The following TBC1D1 variants were observed in gnomAD, a reference collection of about 807,000 sequenced individuals.
The protein encoded by TBC1D1 is TBC1 domain family member 1, also known as TBC1 (tre-2/USP6, BUB2, cdc16) domain family, member 1.
In TBC1D1, 89 loss-of-function variants were observed where a neutral mutation model predicts 125.6. The ratio of observed to expected loss-of-function variants is 0.71; its 90% CI spans 0.60 to 0.85. The LOEUF (loss-of-function observed/expected upper bound fraction) is 0.85. Ranked by LOEUF, TBC1D1 falls within the 40% of genes least tolerant of loss-of-function variation. The pLI, the probability that TBC1D1 is intolerant of heterozygous loss-of-function variation, is 0.00. For synonymous variants in TBC1D1, 565 were observed against 564.1 expected (o/e 1.00, Z -0.02); for missense variants, 1,377 against 1,469.2 (o/e 0.94, Z 1.03).
intron 2 of TBC1D1, among the ~76,000 whole-genome samples, chr4:37,987,650 G>A (rs772972060): frequency 2.0e-5 from 3 of 152,158 alleles, no homozygotes; most frequent in Non-Finnish European, 4.4e-5. Context: ...TTCTCAGTTA[G>A]GGAGAGAAGG....
At chr4:37,944,811 G>A (rs1160332212) in intron 2 of TBC1D1, among the ~76,000 whole-genome samples, 3 of 152,144 alleles carry the variant, frequency 2.0e-5, no homozygotes, top group Non-Finnish European at 2.9e-5. Context: ...GCCCTGCTTC[G>A]GCTCACACTC....
At chr4:37,992,108 G>T (rs1191610369) in intron 2 of TBC1D1, among the ~76,000 whole-genome samples, 1 of 152,204 alleles carries the variant, frequency 6.6e-6, no homozygotes, top group African/African-American at 2.4e-5. Context: ...GGTAGGGATT[G>T]CAGAGGAGCC....
At chr4:37,961,821 CA>C (rs1730122558) in intron 2 of TBC1D1, among the ~76,000 whole-genome samples, 1 of 152,154 alleles carries the variant, frequency 6.6e-6, no homozygotes, top group Non-Finnish European at 1.5e-5. Flanking sequence ...CCAAAGTTTC[CA>C]AATCCCTCTT....
chr4:37,950,729 A>G (rs1203569590), intron 2 of TBC1D1, among the ~76,000 whole-genome samples: 1 of 151,148 alleles, frequency 6.6e-6, no homozygotes, highest in Non-Finnish European at 1.5e-5. Flanking sequence ...AATCCTGTGA[A>G]TTGGACAAAT....
At chr4:37,985,731 G>A (rs1735305788) in intron 2 of TBC1D1, among the ~76,000 whole-genome samples, 1 of 152,212 alleles carries the variant, frequency 6.6e-6, no homozygotes, top group Admixed American at 6.5e-5. Context: ...AGGCAGGGTA[G>A]ATACTGAGAT....
At position 38,048,922 on chromosome 4, in the gene TBC1D1, GC is replaced by G. The variant is rs1411017584; in HGVS notation, c.1630-695del. ...TGAGCACTCACTCCATAGATTTATT[GC>G]ATACCTAATAAAACAATAACTTATG... On this transcript the variant is annotated intron_variant, in intron 10 of 19. Coordinates refer to ENST00000261439, the MANE Select transcript of TBC1D1 (RefSeq NM_015173.4). 1.3e-4 allele frequency among the ~76,000 whole-genome samples: 20 copies of G among 152,158 alleles called. No homozygotes were observed. In the East Asian group the frequency reaches 3.9e-3, roughly 29 times the overall value.
chr4:38,104,171 A>AAG (rs1044597881), intron 15 of TBC1D1, among the ~76,000 whole-genome samples: 3 of 150,496 alleles, frequency 2.0e-5, no homozygotes, highest in Non-Finnish European at 4.4e-5. Flanking sequence ...AAAAAAAAAA[A>AAG]AAAAAAAAAA....
At position 38,133,366 on chromosome 4, in the gene TBC1D1, C is replaced by T. The variant is rs1051555237; in HGVS notation, c.3306+109C>T. ...TTTCCCATGACCAGAGGACCTTTCC[C>T]ACCCTGATCTGTTTATAGTTGGGAT... is the stretch of plus-strand genomic sequence containing the variant. On this transcript the variant is annotated intron_variant, in intron 19 of 19. Transcript: ENST00000261439. 1.4e-5 allele frequency: 13 copies of T among 946,622 alleles called. No homozygotes were observed. In the African/African-American group the frequency reaches 1.8e-4, roughly 13 times the overall value. 58.6% of individuals were successfully genotyped at this position (946,622 alleles called of 1,614,324 possible).
At chr4:37,965,293 T>C (rs1730853185) in intron 2 of TBC1D1, among the ~76,000 whole-genome samples, 1 of 152,196 alleles carries the variant, frequency 6.6e-6, no homozygotes, top group Non-Finnish European at 1.5e-5. Context: ...GCGCTGTAAA[T>C]GCTTTGAACC....
In TBC1D1 at chr4:38,135,546, T is replaced by C. The variant is rs116967706; in HGVS notation, c.3307-1589T>C. Among the ~76,000 whole-genome samples, 560 of 152,338 alleles carry C rather than the reference T, an allele frequency of 3.7e-3. 24 individuals carry two copies. In the East Asian group the frequency reaches 0.09, roughly 25 times the overall value. ...CAAATGACCATGCAAATTAATTCAC[T>C]ACTAACTAAGCTGCAGGTTGCACCT... On this transcript the variant is annotated intron_variant, in intron 19 of 19. Transcript: ENST00000261439.
intron 8 of TBC1D1, among the ~76,000 whole-genome samples, chr4:38,039,014 AC>A (rs1747779973): frequency 6.9e-6 from 1 of 145,030 alleles, no homozygotes; most frequent in Non-Finnish European, 1.5e-5. Context: ...AGTCCTCACT[AC>A]CCCTTCCCCC....
chr4:38,045,819 T>TAATA lies in TBC1D1; in HGVS notation c.1548_1551dup (p.Ala518Ter). On this transcript the variant is annotated frameshift_variant, in exon 10 of 20. Coordinates refer to ENST00000261439, the MANE Select transcript of TBC1D1 (RefSeq NM_015173.4). LOFTEE classifies it high-confidence loss of function. ...TCGACTGCCTTTTCTTTATGTAGGG[T>TAATA]AATAAAGCCAGAGGCCTGCAGGAAC... The TAATA allele has an allele frequency of 1.2e-6, 2 of 1,613,854 alleles. No individual in the cohort carries two copies. Among genetic ancestry groups the TAATA allele is most frequent in the Non-Finnish European group, 1.7e-6 (2 of 1,179,764 alleles).
intron 1 of TBC1D1, among the ~76,000 whole-genome samples, chr4:37,894,378 A>G (rs987056934): frequency 6.6e-6 from 1 of 152,196 alleles, no homozygotes; most frequent in African/African-American, 2.4e-5. Flanking sequence ...ATGTTTAGAA[A>G]AAGATGTGTC....
At chr4:38,026,482 C>T (rs1386921853) in intron 6 of TBC1D1, among the ~76,000 whole-genome samples, 1 of 152,220 alleles carries the variant, frequency 6.6e-6, no homozygotes, top group Admixed American at 6.5e-5. Flanking sequence ...AGCAGATTTC[C>T]CTCCCTGCCA....
At chr4:38,027,296 T>C (rs537669330) in intron 6 of TBC1D1, among the ~76,000 whole-genome samples, 1 of 152,166 alleles carries the variant, frequency 6.6e-6, no homozygotes, top group Non-Finnish European at 1.5e-5. Flanking sequence ...GCTCAGAAGA[T>C]GATGACAAAG....
chr4:37,958,113 G>A (rs1305355469), intron 2 of TBC1D1, among the ~76,000 whole-genome samples: 1 of 152,126 alleles, frequency 6.6e-6, no homozygotes, highest in African/African-American at 2.4e-5. Context: ...TCTCATATAC[G>A]TTTATGGCGA....
intron 2 of TBC1D1, among the ~76,000 whole-genome samples, chr4:37,975,903 C>T (rs1004661269): frequency 1.3e-5 from 2 of 152,200 alleles, no homozygotes; most frequent in African/African-American, 2.4e-5. Context: ...TGGAACAGCT[C>T]GTGCCCTGGG....
intron 8 of TBC1D1, 62 bp downstream of exon 8, chr4:38,035,760 C>A: frequency 2.4e-6 from 3 of 1,240,140 alleles, no homozygotes; most frequent in Non-Finnish European, 2.3e-6. Flanking sequence ...GTATAAACAA[C>A]GTTTTGAGGA....
chr4:38,107,577 G>GTTTTTTTTTTTTT (rs3038351), intron 15 of TBC1D1, among the ~76,000 whole-genome samples: 2 of 53,104 alleles, frequency 3.8e-5, no homozygotes, highest in African/African-American at 8.4e-5. Flanking sequence ...GTCTAAACAG[G>GTTTTTTTTTTTTT]TTTTTTTTTT....
Sources: gnomAD v4.1 joint callset for allele counts (sites outside exome capture counted in the v4.1 genomes callset) on GRCh38, gnomAD v4.1.1 for gene constraint, MANE v1.5 for transcripts, NCBI Gene and HGNC (gene_info 2026-07-23, HGNC 2026-07-21) for gene names.